Variants in MPP7 observed in about 807,000 individuals in gnomAD.
MPP7 encodes MAGUK p55 subfamily member 7.
A neutral mutation model predicts 76.5 loss-of-function variants in MPP7; 60 were observed. The observed-to-expected ratio is 0.78, with a 90% CI of 0.64 to 0.97. The LOEUF is 0.97. MPP7 is among the 50% of genes least tolerant of loss of function. MPP7 has a pLI of 0.00. For synonymous variants in MPP7, 237 were observed against 244.5 expected (o/e 0.97, Z 0.29); for missense variants, 641 against 694.0 (o/e 0.92, Z 0.86).
intron 11 of MPP7, among the ~76,000 whole-genome samples, chr10:28,091,356 C>T (rs1025523747): frequency 2.7e-5 from 4 of 148,980 alleles, no homozygotes; most frequent in Non-Finnish European, 5.9e-5. Context: ...GGCATGATCT[C>T]GGCTCATTGC....
chr10:28,202,930 G>T (rs188190320), intron 2 of MPP7: 1 of 152,002 alleles, frequency 6.6e-6, no homozygotes, highest in Non-Finnish European at 1.5e-5. Flanking sequence ...CGGGTTACTC[G>T]TGGCGTCCTC....
intron 2 of MPP7, among the ~76,000 whole-genome samples, chr10:28,310,543 T>A (rs1007524452): frequency 1.3e-4 from 20 of 152,230 alleles, no homozygotes; most frequent in African/African-American, 2.4e-5. Flanking sequence ...AACATGTGCA[T>A]ATGCAGGAAC....
intron 3 of MPP7, among the ~76,000 whole-genome samples, chr10:28,152,515 G>A (rs889984532): frequency 2.3e-4 from 35 of 152,250 alleles, no homozygotes; most frequent in East Asian, 2.1e-3. Flanking sequence ...TTCACCCCAA[G>A]GCTATCCAAC....
At chr10:28,065,292 G>C (rs1851945659) in intron 13 of MPP7, among the ~76,000 whole-genome samples, 1 of 152,062 alleles carries the variant, frequency 6.6e-6, no homozygotes, top group African/African-American at 2.4e-5. Context: ...CCACATCAAG[G>C]GGTAATTGAA....
At chr10:28,196,770 C>T (rs1837596876) in intron 3 of MPP7, among the ~76,000 whole-genome samples, 1 of 152,072 alleles carries the variant, frequency 6.6e-6, no homozygotes. Flanking sequence ...GAACATCAGC[C>T]TCCCTCTCTC....
At chr10:28,175,028 TCATGC>T (rs1168047911) in intron 3 of MPP7, among the ~76,000 whole-genome samples, 1 of 152,096 alleles carries the variant, frequency 6.6e-6, no homozygotes, top group Non-Finnish European at 1.5e-5. Context: ...GCATGGTGGC[TCATGC>T]CATCCCAGCA....
intron 1 of MPP7, among the ~76,000 whole-genome samples, chr10:28,246,806 G>A (rs1839449070): frequency 1.3e-5 from 2 of 152,016 alleles, no homozygotes; most frequent in Non-Finnish European, 1.5e-5. Context: ...GACACATGGA[G>A]ATTACAATTT....
intron 1 of MPP7, among the ~76,000 whole-genome samples, chr10:28,264,678 T>C (rs1026676708): frequency 1.3e-5 from 2 of 151,808 alleles, no homozygotes; most frequent in African/African-American, 4.8e-5. Flanking sequence ...TCTCAACAGC[T>C]TGAGCAAACA....
intron 12 of MPP7, among the ~76,000 whole-genome samples, chr10:28,082,919 A>G (rs552716760): frequency 6.6e-6 from 1 of 152,346 alleles, no homozygotes; most frequent in African/African-American, 2.4e-5. Flanking sequence ...TATTAAAACC[A>G]TACTAGGTGC....
Position 28,286,710 on chromosome 10 carries a change from T to C in MPP7, c.-132+16151A>G, listed in dbSNP as rs1414938663. ...ATAGGCTGACAGGAAGCACTGATGA[T>C]CAAAGCAAGGGTGTATAAAATTGCT... On this transcript the variant is annotated intron_variant, in intron 1 of 16. Transcript: ENST00000683449. Among the ~76,000 whole-genome samples the C allele has an allele frequency of 2.0e-5, 3 of 151,970 alleles. No individual in the cohort carries two copies. The East Asian group carries it at 5.8e-4, about 29-fold the overall frequency.
intron 3 of MPP7, among the ~76,000 whole-genome samples, chr10:28,190,413 T>C (rs977695299): frequency 2.0e-5 from 3 of 152,180 alleles, no homozygotes; most frequent in East Asian, 1.9e-4. Flanking sequence ...TTCAGCAAGA[T>C]AGACCACATC....
At chr10:28,315,342 G>C (rs1384725235) in intron 2 of MPP7, among the ~76,000 whole-genome samples, 1 of 146,268 alleles carries the variant, frequency 6.8e-6, no homozygotes, top group Non-Finnish European at 1.5e-5. Flanking sequence ...AAGAAGGAGG[G>C]AGGGAAGGAG....
chr10:28,124,778 C>T (rs1161735955), intron 7 of MPP7, among the ~76,000 whole-genome samples: 1 of 152,066 alleles, frequency 6.6e-6, no homozygotes, highest in South Asian at 2.1e-4. Flanking sequence ...CCACCACGCC[C>T]GGCCCACAAG....
chr10:28,154,274 C>T (rs1379382145), intron 3 of MPP7, among the ~76,000 whole-genome samples: 2 of 152,210 alleles, frequency 1.3e-5, no homozygotes, highest in African/African-American at 2.4e-5. Flanking sequence ...GTTTTCTCAT[C>T]TTCCCACTCA....
intron 1 of MPP7, among the ~76,000 whole-genome samples, chr10:28,293,763 C>T (rs554367843): frequency 2.0e-5 from 3 of 152,238 alleles, no homozygotes; most frequent in African/African-American, 7.2e-5. Flanking sequence ...CCCATCCTAG[C>T]GACCGAGTAG....
intron 3 of MPP7, among the ~76,000 whole-genome samples, chr10:28,152,167 A>G (rs570869575): frequency 9.2e-5 from 14 of 152,178 alleles, no homozygotes; most frequent in Admixed American, 2.0e-4. Flanking sequence ...TTTCACAAAT[A>G]GTCAGTTTCT....
At chr10:28,182,063 C>T (rs1400574166) in intron 3 of MPP7, among the ~76,000 whole-genome samples, 1 of 152,028 alleles carries the variant, frequency 6.6e-6, no homozygotes, top group Non-Finnish European at 1.5e-5. Context: ...GATAAATTAT[C>T]GGAAAGAGTG....
At chr10:28,073,313 C>G (rs571683492) in intron 12 of MPP7, among the ~76,000 whole-genome samples, 1 of 152,162 alleles carries the variant, frequency 6.6e-6, no homozygotes. Context: ...GCCTCCTGTC[C>G]CGAAACAGCC....
At chr10:28,125,226 A>T in intron 6 of MPP7, 135 bp from the exon 7 acceptor site, 1 of 689,110 alleles carries the variant, frequency 1.5e-6, no homozygotes, top group Non-Finnish European at 2.5e-6. Context: ...AGGCAGGAAA[A>T]ATAGACATCA....
Sources: allele counts gnomAD v4.1 joint callset (sites outside exome capture counted in the v4.1 genomes callset), GRCh38; gene constraint gnomAD v4.1.1; transcripts MANE v1.5; gene names NCBI Gene and HGNC (gene_info 2026-07-23, HGNC 2026-07-21).